The following NFILZ variants were observed in gnomAD, a reference collection of about 807,000 sequenced individuals.
The protein encoded by NFILZ is NFIL3 like basic leucine zipper.
chr19:8,665,117 C>T (rs1290440606), intron 3 of NFILZ, among the ~76,000 whole-genome samples: 1 of 152,032 alleles, frequency 6.6e-6, no homozygotes, highest in Admixed American at 6.6e-5. Flanking sequence ...AGGGGCAGAC[C>T]CAGAGAGATT....
intron 4 of NFILZ, among the ~76,000 whole-genome samples, chr19:8,675,553 G>T (rs1205620069): frequency 6.6e-6 from 1 of 152,132 alleles, no homozygotes; most frequent in Non-Finnish European, 1.5e-5. Context: ...AGGCACATGG[G>T]AATTGTGTTT....
intron 3 of NFILZ, among the ~76,000 whole-genome samples, chr19:8,647,455 C>T (rs2146144049): frequency 6.6e-6 from 1 of 152,126 alleles, no homozygotes; most frequent in South Asian, 2.1e-4. Context: ...GCCTGTAATC[C>T]CAGCTACTTG....
intron 4 of NFILZ, among the ~76,000 whole-genome samples, chr19:8,675,901 T>C (rs1275296379): frequency 2.0e-5 from 3 of 152,048 alleles, no homozygotes; most frequent in African/African-American, 7.2e-5. Context: ...GAGGAATAGA[T>C]GGTGGATGGT....
At chr19:8,633,761 G>A (rs1555745785) in intron 2 of NFILZ, among the ~76,000 whole-genome samples, 1 of 152,176 alleles carries the variant, frequency 6.6e-6, no homozygotes, top group African/African-American at 2.4e-5. Flanking sequence ...AGGGAGCAGG[G>A]TCCTGGGGAG....
chr19:8,649,316 A>G lies in NFILZ; in HGVS notation c.-164+13570A>G, dbSNP rs149280571. Among the ~76,000 whole-genome samples the G allele has an allele frequency of 6.3e-3, 960 of 151,520 alleles. 13 individuals are homozygous for G. The highest frequency in any genetic ancestry group is 0.022 in the African/African-American group (910 of 41,238). On this transcript the variant is annotated intron_variant, in intron 3 of 5. Coordinates refer to ENST00000691075, the MANE Select transcript of NFILZ (RefSeq NM_001378600.1). Reference sequence around the variant, plus strand: ...AGTCTCGCTCTGTTGCCCAGGCTGGAGTGCAGTGGTGTTATCTTGGCTCAC... The same window carrying G: ...AGTCTCGCTCTGTTGCCCAGGCTGGGGTGCAGTGGTGTTATCTTGGCTCAC...
chr19:8,676,048 A>C (rs782447143), intron 4 of NFILZ, among the ~76,000 whole-genome samples: 9 of 152,152 alleles, frequency 5.9e-5, no homozygotes, highest in Non-Finnish European at 1.2e-4. Flanking sequence ...TGTGATGGAG[A>C]GTTGCACAAT....
At chr19:8,636,254 C>T (rs1339146737) in intron 3 of NFILZ, among the ~76,000 whole-genome samples, 1 of 151,050 alleles carries the variant, frequency 6.6e-6, no homozygotes, top group Non-Finnish European at 1.5e-5. Flanking sequence ...TCGAGACCAG[C>T]CTGACCAACA....
chr19:8,664,413 G>T (rs1274411405), intron 3 of NFILZ, among the ~76,000 whole-genome samples: 1 of 152,138 alleles, frequency 6.6e-6, no homozygotes, highest in Non-Finnish European at 1.5e-5. Context: ...CCCCAGATGG[G>T]CTTGTGGGCT....
intron 2 of NFILZ, among the ~76,000 whole-genome samples, chr19:8,632,842 C>T (rs1555745696): frequency 1.3e-5 from 2 of 151,654 alleles, no homozygotes; most frequent in African/African-American, 4.8e-5. Context: ...TCTTCCTCAG[C>T]CTCCTGAGTA....
intron 3 of NFILZ, among the ~76,000 whole-genome samples, chr19:8,664,196 ACAATGTATGTACCGGGTTACCTGTT>A (rs1393452986): frequency 6.6e-6 from 1 of 152,184 alleles, no homozygotes; most frequent in Non-Finnish European, 1.5e-5. Context: ...ATGTTGGTGA[ACAATGTATGTACCGGGTTACCTGTT>A]CAGCCTTTGC....
In NFILZ at chr19:8,678,190, C is replaced by CACTT. The variant is rs1176723249; in HGVS notation, c.*555_*556insACTT. The stretch of plus-strand genomic sequence containing the variant: ...CCATCCATCCATCCATCCATCCATC[C>CACTT]GTCCATCTATCCATCCATCCATTCA... On this transcript the variant is annotated 3_prime_UTR_variant, in exon 6 of 6. Coordinates refer to ENST00000691075, the MANE Select transcript of NFILZ (RefSeq NM_001378600.1). Among the ~76,000 whole-genome samples the CACTT allele has an allele frequency of 9.8e-5, 5 of 50,766 alleles. No individual in the cohort carries two copies. Among genetic ancestry groups the CACTT allele is most frequent in the Admixed American group, 2.5e-4 (1 of 3,974 alleles). The allele number at this position is 50,766 out of a possible 152,430, so 33.3% of individuals were successfully genotyped here.
chr19:8,671,240 C>T (rs1261433769), intron 3 of NFILZ, among the ~76,000 whole-genome samples: 2 of 152,098 alleles, frequency 1.3e-5, no homozygotes, highest in Admixed American at 6.6e-5. Flanking sequence ...TCATCCCCCT[C>T]CGGCCACTGC....
intron 2 of NFILZ, among the ~76,000 whole-genome samples, chr19:8,634,942 A>G (rs1443086774): frequency 3.9e-5 from 6 of 152,218 alleles, no homozygotes; most frequent in African/African-American, 1.4e-4. Flanking sequence ...TGACAGTGAA[A>G]CCCATACATA....
chr19:8,678,414 A>G lies in NFILZ; in HGVS notation c.*779A>G, dbSNP rs1325102346. On this transcript the variant is annotated 3_prime_UTR_variant, in exon 6 of 6. Coordinates refer to ENST00000691075, the MANE Select transcript of NFILZ (RefSeq NM_001378600.1). Reference sequence around the variant, plus strand: ...CATCCACCCATCCACCTATCTATGCATGCATCCATCCATCCTCATCCACTC... The same window carrying G: ...CATCCACCCATCCACCTATCTATGCGTGCATCCATCCATCCTCATCCACTC... Among the ~76,000 whole-genome samples, 1 of 151,204 alleles carries G rather than the reference A, an allele frequency of 6.6e-6. No individual in the cohort carries two copies. Among genetic ancestry groups the G allele is most frequent in the East Asian group, 2.0e-4 (1 of 5,084 alleles).
At chr19:8,665,844 C>T (rs1555749715) in intron 3 of NFILZ, among the ~76,000 whole-genome samples, 1 of 152,196 alleles carries the variant, frequency 6.6e-6, no homozygotes, top group Non-Finnish European at 1.5e-5. Flanking sequence ...AACAATTTCT[C>T]CAGACATGCA....
Position 8,651,159 on chromosome 19 carries a change from T to C in NFILZ, c.-164+15413T>C, listed in dbSNP as rs150022615. Among the ~76,000 whole-genome samples, 962 of 152,286 alleles carry C rather than the reference T, an allele frequency of 6.3e-3. 37 individuals carry two copies. The highest frequency in any genetic ancestry group is 0.052 in the Admixed American group (795 of 15,276). On this transcript the variant is annotated intron_variant, in intron 3 of 5. Transcript: ENST00000691075. ...ACAATTGTTTAATTATTTCAAAATATATAATAAGCTTTTTTTTTCTTAGAT... is the reference window on the plus strand; with the variant it reads ...ACAATTGTTTAATTATTTCAAAATACATAATAAGCTTTTTTTTTCTTAGAT...
At chr19:8,666,215 T>A (rs2043061388) in intron 3 of NFILZ, among the ~76,000 whole-genome samples, 1 of 151,470 alleles carries the variant, frequency 6.6e-6, no homozygotes, top group Admixed American at 6.6e-5. Context: ...ATGCTGAGTA[T>A]CTTCTTCTTC....
rs1294528217 is a variant in NFILZ, at chr19:8,681,057, G to A, written c.*3422G>A. 6.6e-6 allele frequency among the ~76,000 whole-genome samples: 1 copy of A among 151,936 alleles called. No homozygotes were observed. Among genetic ancestry groups the A allele is most frequent in the African/African-American group, 2.4e-5 (1 of 41,340 alleles). On this transcript the variant is annotated 3_prime_UTR_variant, in exon 6 of 6. Coordinates refer to ENST00000691075, the MANE Select transcript of NFILZ (RefSeq NM_001378600.1). ...TTTCTGAGTGATATGGGCATGAGGG[G>A]GACGTTTCCAAGTATATTTCTGTTG...
Position 8,680,569 on chromosome 19 carries a change from T to G in NFILZ, c.*2934T>G, listed in dbSNP as rs2043142007. Among the ~76,000 whole-genome samples the G allele has an allele frequency of 6.6e-6, 1 of 152,034 alleles. No individual in the cohort carries two copies. Among genetic ancestry groups the G allele is most frequent in the Admixed American group, 6.6e-5 (1 of 15,264 alleles). ...ACTGGGGAAAGAGAAGTGAACACAA[T>G]AGATGTGATTCCTGCCTCTATGGTA... is the stretch of plus-strand genomic sequence containing the variant. On this transcript the variant is annotated 3_prime_UTR_variant, in exon 6 of 6. Coordinates refer to ENST00000691075, the MANE Select transcript of NFILZ (RefSeq NM_001378600.1).
Sources: allele counts gnomAD v4.1 joint callset (sites outside exome capture counted in the v4.1 genomes callset), GRCh38; gene constraint gnomAD v4.1.1; transcripts MANE v1.5; gene names NCBI Gene and HGNC (gene_info 2026-07-23, HGNC 2026-07-21).